The following FAM78B variants were observed in gnomAD, a reference collection of about 807,000 sequenced individuals.
FAM78B encodes family with sequence similarity 78 member B, also known as protein FAM78B.
Under a neutral mutation model 20.0 loss-of-function variants are expected in FAM78B, and 10 were observed. The ratio of observed to expected loss-of-function variants is 0.50; its 90% CI spans 0.31 to 0.85. FAM78B has a LOEUF of 0.85. FAM78B is among the 40% of genes least tolerant of loss of function. The pLI, the probability that FAM78B is intolerant of heterozygous loss-of-function variation, is 0.05. For missense variants in FAM78B, 283 were observed against 345.0 expected, an observed-to-expected ratio of 0.82 and a Z score of 1.42; for synonymous variants, 135 against 132.8, an observed-to-expected ratio of 1.02 and a Z score of -0.12.
intron 1 of FAM78B, among the ~76,000 whole-genome samples, chr1:166,084,887 C>T (rs1009460330): frequency 3.3e-5 from 5 of 152,222 alleles, no homozygotes; most frequent in African/African-American, 1.2e-4. Flanking sequence ...GGTGCCTGTA[C>T]CTGGAGTCTA....
At chr1:166,071,906 G>T (rs935902816) in intron 1 of FAM78B, among the ~76,000 whole-genome samples, 6 of 152,178 alleles carry the variant, frequency 3.9e-5, no homozygotes, top group African/African-American at 1.4e-4. Flanking sequence ...AGACCAGTCA[G>T]TCATGGAGAA....
intron 1 of FAM78B, among the ~76,000 whole-genome samples, chr1:166,084,278 CTT>C (rs1557893646): frequency 6.7e-6 from 1 of 150,250 alleles, no homozygotes; most frequent in African/African-American, 2.4e-5. Flanking sequence ...CTCTCTCTCT[CTT>C]TGCATATAAT....
At chr1:166,162,608 G>A (rs1656191539) in intron 1 of FAM78B, among the ~76,000 whole-genome samples, 1 of 152,126 alleles carries the variant, frequency 6.6e-6, no homozygotes, top group African/African-American at 2.4e-5. Flanking sequence ...CATTATAAAC[G>A]TCTTCCACTT....
rs556126933 is a variant in FAM78B, at chr1:166,099,471, A to T, written c.264-28708T>A. On this transcript the variant is annotated intron_variant, in intron 1 of 1. Coordinates refer to ENST00000354422, the MANE Select transcript of FAM78B (RefSeq NM_001017961.5). Reference sequence around the variant, plus strand: ...TCTAAATGCTGCACTTAAAAGATGCAGAACCCACAGAATGGATAAAAACTC... The same window carrying T: ...TCTAAATGCTGCACTTAAAAGATGCTGAACCCACAGAATGGATAAAAACTC... Among the ~76,000 whole-genome samples, 6 of 152,334 alleles carry T rather than the reference A, an allele frequency of 3.9e-5. No individual in the cohort carries two copies. The East Asian group carries it at 9.6e-4, about 24-fold the overall frequency.
chr1:166,100,377 G>C (rs934166933), intron 1 of FAM78B, among the ~76,000 whole-genome samples: 4 of 152,218 alleles, frequency 2.6e-5, no homozygotes, highest in African/African-American at 9.6e-5. Flanking sequence ...CCTAGCATGA[G>C]CCGAAGCAGG....
chr1:166,165,619 A>C (rs1349871047), intron 1 of FAM78B, among the ~76,000 whole-genome samples: 1 of 151,968 alleles, frequency 6.6e-6, no homozygotes, highest in Admixed American at 6.6e-5. Flanking sequence ...GGTTTCCCCC[A>C]AACTCTTCCC....
chr1:166,063,705 C>G (rs1187323870), intron 2 of FAM78B, among the ~76,000 whole-genome samples: 2 of 152,236 alleles, frequency 1.3e-5, no homozygotes, highest in African/African-American at 4.8e-5. Context: ...ATCTCACTAT[C>G]CAAATGCTTC....
intron 1 of FAM78B, among the ~76,000 whole-genome samples, chr1:166,155,511 C>G (rs532288286): frequency 6.6e-6 from 1 of 152,120 alleles, no homozygotes; most frequent in Admixed American, 6.5e-5. Context: ...GGGAGACAGA[C>G]GAGCACATAG....
At chr1:166,098,857 G>A (rs760952075) in intron 1 of FAM78B, among the ~76,000 whole-genome samples, 17 of 152,124 alleles carry the variant, frequency 1.1e-4, no homozygotes, top group Non-Finnish European at 2.1e-4. Context: ...TTTTGCTAGA[G>A]TTAAGACCTA....
intron 1 of FAM78B, among the ~76,000 whole-genome samples, chr1:166,146,321 C>T (rs2101793809): frequency 6.6e-6 from 1 of 152,278 alleles, no homozygotes; most frequent in Non-Finnish European, 1.5e-5. Flanking sequence ...ATTTAGGATA[C>T]TTTCTGAGAC....
chr1:166,152,600 G>A (rs768586384), intron 1 of FAM78B, among the ~76,000 whole-genome samples: 1 of 152,020 alleles, frequency 6.6e-6, no homozygotes, highest in Non-Finnish European at 1.5e-5. Context: ...TTTAACCTGT[G>A]CCCTCTCCCT....
At chr1:166,060,594 C>T in exon 3 of FAM78B, 1 of 1,288,982 alleles carries the variant, frequency 7.8e-7, no homozygotes, top group Non-Finnish European at 1.0e-6. Context: ...CCAGCCATTG[C>T]TCACTTCCTC....
chr1:166,065,676 A>G (rs956938966), downstream of FAM78B, among the ~76,000 whole-genome samples: 3 of 152,178 alleles, frequency 2.0e-5, no homozygotes, highest in African/African-American at 7.2e-5. Flanking sequence ...GTCATCTGGC[A>G]ACTGGCAACT....
At chr1:166,094,413 G>GA (rs1219337437) in intron 1 of FAM78B, among the ~76,000 whole-genome samples, 1 of 152,190 alleles carries the variant, frequency 6.6e-6, no homozygotes, top group East Asian at 1.9e-4. Flanking sequence ...TCTCCACTGT[G>GA]AAGTGTGCAT....
chr1:166,150,107 G>A (rs7551912), intron 1 of FAM78B, among the ~76,000 whole-genome samples: 1,641 of 152,134 alleles, frequency 0.011, 14 homozygotes, highest in Non-Finnish European at 0.016. Context: ...TGTGCCTCAG[G>A]GGGGGTTTGT....
chr1:166,149,353 T>C (rs1171064491), intron 1 of FAM78B, among the ~76,000 whole-genome samples: 3 of 152,262 alleles, frequency 2.0e-5, no homozygotes, highest in Admixed American at 2.0e-4. Flanking sequence ...TCTTAGCTTT[T>C]TGTATGAGCT....
chr1:166,086,721 G>A (rs1272380843), intron 1 of FAM78B, among the ~76,000 whole-genome samples: 1 of 152,214 alleles, frequency 6.6e-6, no homozygotes, highest in African/African-American at 2.4e-5. Context: ...GATGCTGGCA[G>A]CTGAGTGTGT....
intron 1 of FAM78B, among the ~76,000 whole-genome samples, chr1:166,092,328 C>T (rs1387071093): frequency 2.0e-5 from 3 of 152,294 alleles, no homozygotes; most frequent in Middle Eastern, 3.4e-3. Context: ...CTGAGTTGTC[C>T]TGCCCTATGT....
chr1:166,098,621 C>T (rs10918348), intron 1 of FAM78B, among the ~76,000 whole-genome samples: 29,611 of 151,642 alleles, frequency 0.2, 3,291 homozygotes, highest in East Asian at 0.38. Flanking sequence ...AGCAACAGAA[C>T]TGAACAAGCA....
Sources: allele counts gnomAD v4.1 joint callset (sites outside exome capture counted in the v4.1 genomes callset), GRCh38; gene constraint gnomAD v4.1.1; transcripts MANE v1.5; gene names NCBI Gene and HGNC (gene_info 2026-07-23, HGNC 2026-07-21).